TATDN1: variants seen among roughly 807,000 people sequenced by gnomAD.
TATDN1 encodes the protein TatD DNase domain containing 1, also known as deoxyribonuclease TATDN1.
In TATDN1, 40 loss-of-function variants were observed where a neutral mutation model predicts 46.4. That is an observed-to-expected ratio of 0.86 (90% CI 0.67 to 1.12). TATDN1 has a LOEUF of 1.12. Among genes scored for constraint, TATDN1 ranks in the 50% most tolerant of loss-of-function variants. TATDN1 has a pLI of 0.00. For synonymous variants in TATDN1, 95 were observed against 105.6 expected (o/e 0.90, Z 0.62); for missense variants, 326 against 348.4 (o/e 0.94, Z 0.51).
rs749401879 is a variant in TATDN1, at chr8:124,508,699, C to CA, written c.390-12dup. On this transcript the variant is annotated splice_polypyrimidine_tract_variant and intron_variant, in intron 6 of 11. Coordinates refer to ENST00000276692, the MANE Select transcript of TATDN1 (RefSeq NM_032026.4). ...TGTTTTTCAAAATATCTGCATAATGCAAAAAAAAAAAATTCTCATTACAAA... is the reference window on the plus strand; with the variant it reads ...TGTTTTTCAAAATATCTGCATAATGCAAAAAAAAAAAAATTCTCATTACAAA... 31,901 of 1,073,686 alleles carry CA rather than the reference C, an allele frequency of 0.03. No individual in the cohort carries two copies. Among genetic ancestry groups the CA allele is most frequent in the South Asian group, 0.039 (2,045 of 52,054 alleles). 66.5% of individuals were successfully genotyped at this position (1,073,686 alleles called of 1,614,324 possible). A position where few individuals can be genotyped will look rare whatever the true frequency, so the allele number is the denominator to read the frequency against.
chr8:124,520,528 C>A (rs1462552176), intron 3 of TATDN1, among the ~76,000 whole-genome samples: 2 of 152,036 alleles, frequency 1.3e-5, no homozygotes, highest in Non-Finnish European at 2.9e-5. Context: ...ATGCCTACAT[C>A]CAGTATTTAA....
intron 9 of TATDN1, 137 bp downstream of exon 9, chr8:124,504,134 C>A: frequency 1.4e-6 from 1 of 730,612 alleles, no homozygotes. Context: ...TAAATAATTA[C>A]TGAAATTCCC....
intron 1 of TATDN1, among the ~76,000 whole-genome samples, chr8:124,527,380 A>AT (rs1483393321): frequency 1.3e-5 from 2 of 152,174 alleles, no homozygotes; most frequent in Non-Finnish European, 2.9e-5. Flanking sequence ...TCAGGAAGGA[A>AT]TGCGCGGTGA....
chr8:124,501,331 T>G (rs1817945350), intron 9 of TATDN1, among the ~76,000 whole-genome samples: 2 of 152,138 alleles, frequency 1.3e-5, no homozygotes, highest in Non-Finnish European at 2.9e-5. Context: ...AAACTGACAT[T>G]TGGGAATCCC....
intron 9 of TATDN1, among the ~76,000 whole-genome samples, chr8:124,499,619 C>A (rs185259798): frequency 2.6e-5 from 4 of 152,168 alleles, no homozygotes; most frequent in African/African-American, 9.6e-5. Context: ...TCTCGGCTCT[C>A]TGCAAGCTCC....
intron 1 of TATDN1, among the ~76,000 whole-genome samples, chr8:124,525,795 A>G (rs1312198606): frequency 6.6e-6 from 1 of 152,220 alleles, no homozygotes; most frequent in Non-Finnish European, 1.5e-5. Context: ...ATGTGAGTCA[A>G]TATGTTTTGA....
chr8:124,537,060 A>T (rs1299639262), intron 1 of TATDN1, among the ~76,000 whole-genome samples: 2 of 152,190 alleles, frequency 1.3e-5, no homozygotes, highest in Non-Finnish European at 2.9e-5. Context: ...TCAATTATTT[A>T]TTCCAATAAA....
Position 124,498,944 on chromosome 8 carries a change from C to A in TATDN1, c.594-3402G>T, listed in dbSNP as rs138034021. 7.9e-4 allele frequency among the ~76,000 whole-genome samples: 119 copies of A among 150,454 alleles called. 1 individual carries two copies. The highest frequency in any genetic ancestry group is 2.8e-3 in the African/African-American group (116 of 40,930). On this transcript the variant is annotated intron_variant, in intron 9 of 11. Transcript: ENST00000276692. The stretch of plus-strand genomic sequence containing the variant: ...GGATTACAGGCATGAGCCACTGCGC[C>A]TGGCCTCTTTTTTTTTTTTTTTTTT...
chr8:124,495,174 G>A (rs1003941908), intron 10 of TATDN1: 19 of 381,220 alleles, frequency 5.0e-5, no homozygotes, highest in Non-Finnish European at 8.4e-5. Context: ...AGTGTGATGT[G>A]CTTAGTCAAG....
intron 11 of TATDN1, chr8:124,489,865 T>G (rs1816807895): frequency 6.6e-6 from 1 of 152,236 alleles, no homozygotes; most frequent in African/African-American, 2.4e-5. Context: ...TTTTGTTCCC[T>G]TAGTATCTTA....
At chr8:124,524,841 A>G (rs866650930) in intron 1 of TATDN1, among the ~76,000 whole-genome samples, 1 of 152,198 alleles carries the variant, frequency 6.6e-6, no homozygotes, top group East Asian at 1.9e-4. Flanking sequence ...GGTTTACTCA[A>G]CTTGATGGAT....
At chr8:124,504,097 A>T (rs1418923763) in intron 9 of TATDN1, 174 bp downstream of exon 9, 1 of 720,000 alleles carries the variant, frequency 1.4e-6, no homozygotes, top group Non-Finnish European at 2.2e-6. Context: ...TTAACTTTTA[A>T]TAGTAATGTA....
intron 1 of TATDN1, among the ~76,000 whole-genome samples, chr8:124,537,850 T>A (rs1821602554): frequency 6.6e-6 from 1 of 152,114 alleles, no homozygotes; most frequent in African/African-American, 2.4e-5. Flanking sequence ...CTCCCCTGCA[T>A]TTGCTTTTGA....
chr8:124,530,734 CT>C (rs1189054616), intron 1 of TATDN1, among the ~76,000 whole-genome samples: 1 of 152,192 alleles, frequency 6.6e-6, no homozygotes. Flanking sequence ...TCGAAGTTAT[CT>C]AGCAGAAAGG....
chr8:124,527,655 G>C (rs1377893718), intron 1 of TATDN1, among the ~76,000 whole-genome samples: 1 of 152,008 alleles, frequency 6.6e-6, no homozygotes, highest in Middle Eastern at 3.2e-3. Context: ...TGTCCATTCA[G>C]TCAGTCGGGT....
intron 11 of TATDN1, chr8:124,489,131 G>A (rs1346383581): frequency 6.2e-6 from 1 of 161,886 alleles, no homozygotes; most frequent in Non-Finnish European, 1.3e-5. Context: ...TGTGTCCTAA[G>A]TCACAACGTA....
intron 1 of TATDN1, among the ~76,000 whole-genome samples, chr8:124,526,989 G>C (rs1820557636): frequency 6.7e-6 from 1 of 149,200 alleles, no homozygotes. Context: ...CTTTCTGTAG[G>C]GTGTTGACTT....
intron 8 of TATDN1, 27 bp from the exon 9 acceptor site, chr8:124,504,374 T>C (rs1338411835): frequency 1.7e-5 from 25 of 1,443,872 alleles, no homozygotes; most frequent in Non-Finnish European, 2.3e-5. Context: ...ATAAGTTTAT[T>C]ATTATAATAA....
intron 3 of TATDN1, among the ~76,000 whole-genome samples, chr8:124,519,394 C>T (rs920724996): frequency 2.0e-5 from 3 of 152,064 alleles, no homozygotes; most frequent in Admixed American, 6.6e-5. Context: ...TTTGACACCA[C>T]CAGAGACTGA....
Sources: gnomAD v4.1 joint callset for allele counts (sites outside exome capture counted in the v4.1 genomes callset) on GRCh38, gnomAD v4.1.1 for gene constraint, MANE v1.5 for transcripts, NCBI Gene and HGNC (gene_info 2026-07-23, HGNC 2026-07-21) for gene names.